Variants in FGF12 observed in about 807,000 individuals in gnomAD.
The protein encoded by FGF12 is fibroblast growth factor 12.
FGF12 carries 14 observed loss-of-function variants against 23.6 expected under a neutral mutation model. The observed-to-expected ratio is 0.59, with a 90% CI of 0.39 to 0.93. The LOEUF is 0.93. Among genes scored for constraint, FGF12 ranks in the 40% least tolerant of loss-of-function variants. The probability of loss-of-function intolerance (pLI) is 0.00; values close to 1 mark genes in which losing one functional copy is unlikely to be tolerated. For synonymous variants in FGF12, 62 were observed against 77.3 expected (o/e 0.80, Z 1.04); for missense variants, 175 against 217.8 (o/e 0.80, Z 1.24).
At chr3:192,533,941 G>A (rs551464189) in intron 2 of FGF12, 1 of 151,914 alleles carries the variant, frequency 6.6e-6, no homozygotes, top group East Asian at 1.9e-4. Context: ...AAAGCATTCA[G>A]TGTCCTATCT....
At chr3:192,657,095 C>T (rs1047508395) in intron 2 of FGF12, among the ~76,000 whole-genome samples, 2 of 129,962 alleles carry the variant, frequency 1.5e-5, no homozygotes, top group Admixed American at 1.6e-4. Flanking sequence ...ATGTTCTCTG[C>T]TGAGTTGAGG....
At chr3:192,709,137 T>C (rs1718582996) in intron 2 of FGF12, among the ~76,000 whole-genome samples, 1 of 152,210 alleles carries the variant, frequency 6.6e-6, no homozygotes, top group Admixed American at 6.5e-5. Context: ...CTCAAAAATA[T>C]ATTGCAAAAT....
chr3:192,379,383 C>A (rs1280171014), intron 2 of FGF12, among the ~76,000 whole-genome samples: 1 of 145,386 alleles, frequency 6.9e-6, no homozygotes, highest in Non-Finnish European at 1.5e-5. Flanking sequence ...GAAATCCCTA[C>A]ACCTTCCACT....
At chr3:192,421,954 T>C (rs1438448655) in intron 2 of FGF12, among the ~76,000 whole-genome samples, 10 of 152,104 alleles carry the variant, frequency 6.6e-5, no homozygotes, top group Non-Finnish European at 1.5e-4. Context: ...AATATGAAGA[T>C]GTCTATTAAC....
At chr3:192,160,331 A>G (rs1474907770) in intron 5 of FGF12, among the ~76,000 whole-genome samples, 1 of 152,074 alleles carries the variant, frequency 6.6e-6, no homozygotes, top group East Asian at 1.9e-4. Flanking sequence ...CCTACCTTCC[A>G]TTCCTTTAAT....
intron 2 of FGF12, among the ~76,000 whole-genome samples, chr3:192,520,075 G>A (rs573375592): frequency 3.9e-5 from 6 of 152,264 alleles, no homozygotes; most frequent in African/African-American, 1.2e-4. Context: ...ACATCTGAGC[G>A]CTAAGTGTCC....
chr3:192,193,226 G>C lies in FGF12; in HGVS notation c.229-22570C>G, dbSNP rs552369324. ...GTCTCGCTTGCCTTGCTCTAGATCT[G>C]TTCTGGATTGTCAATGTTCCTATTA... On this transcript the variant is annotated intron_variant, in intron 4 of 5. Coordinates refer to ENST00000445105, the MANE Select transcript of FGF12 (RefSeq NM_004113.6). 2.2e-4 allele frequency among the ~76,000 whole-genome samples: 33 copies of C among 152,252 alleles called. No homozygotes were observed. The East Asian group carries it at 4.0e-3, about 19-fold the overall frequency.
At chr3:192,518,999 T>C (rs1724749609) in intron 2 of FGF12, among the ~76,000 whole-genome samples, 2 of 152,160 alleles carry the variant, frequency 1.3e-5, no homozygotes, top group Non-Finnish European at 2.9e-5. Context: ...ATGCAAATGT[T>C]ATAAAATAAG....
chr3:192,173,812 T>C (rs547640218), intron 4 of FGF12, among the ~76,000 whole-genome samples: 1 of 152,344 alleles, frequency 6.6e-6, no homozygotes, highest in South Asian at 2.1e-4. Context: ...TATATGTAGA[T>C]GGTGATAAAA....
intron 3 of FGF12, among the ~76,000 whole-genome samples, chr3:192,358,999 C>A (rs1410568473): frequency 6.6e-6 from 1 of 152,032 alleles, no homozygotes; most frequent in Non-Finnish European, 1.5e-5. Flanking sequence ...TATTTGTAGC[C>A]TCACTAAATC....
chr3:192,381,123 C>A, intron 2 of FGF12, among the ~76,000 whole-genome samples: 1 of 152,098 alleles, frequency 6.6e-6, no homozygotes, highest in East Asian at 1.9e-4. Flanking sequence ...CTTTCAAGTG[C>A]TCAAAAGCCA....
At chr3:192,458,780 T>C (rs1241140302) in intron 2 of FGF12, among the ~76,000 whole-genome samples, 1 of 152,144 alleles carries the variant, frequency 6.6e-6, no homozygotes, top group Admixed American at 6.5e-5. Context: ...TTTGAGGACA[T>C]GAGATTTGGA....
intron 2 of FGF12, among the ~76,000 whole-genome samples, chr3:192,639,503 C>T (rs531900386): frequency 4.9e-4 from 75 of 152,234 alleles, no homozygotes; most frequent in Non-Finnish European, 9.3e-4. Flanking sequence ...CTGAACTCCA[C>T]ATTCATTGTA....
At position 192,727,161 on chromosome 3, in the gene FGF12, CG is replaced by C; in HGVS notation, c.13+19del. On this transcript the variant is annotated intron_variant, in intron 2 of 5. Coordinates refer to ENST00000445105, the MANE Select transcript of FGF12 (RefSeq NM_004113.6). Reference sequence around the variant, plus strand: ...CACGCACATGCAGCGGGAAGTCCCCCGATAGGGACAACCACATACCTTTGCT... The same window carrying C: ...CACGCACATGCAGCGGGAAGTCCCCCATAGGGACAACCACATACCTTTGCT... 1 of 1,574,144 alleles carries C rather than the reference CG, an allele frequency of 6.4e-7. No individual in the cohort carries two copies. The highest frequency in any genetic ancestry group is 8.6e-7 in the Non-Finnish European group (1 of 1,159,662).
intron 2 of FGF12, among the ~76,000 whole-genome samples, chr3:192,566,898 G>A (rs951873106): frequency 6.6e-6 from 1 of 152,200 alleles, no homozygotes; most frequent in Non-Finnish European, 1.5e-5. Context: ...TAGGGTACAA[G>A]CAGCAAGAGC....
chr3:192,666,956 T>TAGATAGATAGAC (rs1553845485), intron 2 of FGF12, among the ~76,000 whole-genome samples: 1 of 145,616 alleles, frequency 6.9e-6, no homozygotes, highest in Non-Finnish European at 1.5e-5. Flanking sequence ...GATAGATAGA[T>TAGATAGATAGAC]AGACATAAAG....
rs138649966 is a variant in FGF12 at position 192,330,181 on chromosome 3, T to C, written c.228+5180A>G. On this transcript the variant is annotated intron_variant, in intron 4 of 5. Transcript: ENST00000445105. ...CAATCTACATATTCAATACAATTCC[T>C]ATCAAAATCTCAATGTCGTTTTTTG... Among the ~76,000 whole-genome samples, 1,061 of 152,258 alleles carry C rather than the reference T, an allele frequency of 7.0e-3. 5 individuals carry two copies. The highest frequency in any genetic ancestry group is 0.025 in the African/African-American group (1,021 of 41,534).
chr3:192,387,724 T>TAC (rs1375574117), intron 2 of FGF12, among the ~76,000 whole-genome samples: 1 of 150,704 alleles, frequency 6.6e-6, no homozygotes, highest in African/African-American at 2.4e-5. Context: ...ACACAATATA[T>TAC]ATATATATAT....
intron 2 of FGF12, among the ~76,000 whole-genome samples, chr3:192,652,231 A>T (rs145622475): frequency 1.7e-4 from 26 of 152,362 alleles, no homozygotes; most frequent in Non-Finnish European, 2.9e-4. Context: ...TGAACAATTC[A>T]TCATGTTCAT....
Sources: allele counts gnomAD v4.1 joint callset (sites outside exome capture counted in the v4.1 genomes callset), GRCh38; gene constraint gnomAD v4.1.1; transcripts MANE v1.5; gene names NCBI Gene and HGNC (gene_info 2026-07-23, HGNC 2026-07-21).